KAZN: variants seen among roughly 807,000 people sequenced by gnomAD.
KAZN encodes the protein kazrin, periplakin interacting protein.
In KAZN, 40 loss-of-function variants were observed where a neutral mutation model predicts 87.4. That is an observed-to-expected ratio of 0.46 (90% CI 0.36 to 0.60). The LOEUF (loss-of-function observed/expected upper bound fraction) is 0.60. Among genes scored for constraint, KAZN ranks in the 20% least tolerant of loss-of-function variants. KAZN has a pLI of 0.00. For synonymous variants in KAZN, 466 were observed against 458.3 expected (o/e 1.02, Z -0.22); for missense variants, 898 against 1,073.9 (o/e 0.84, Z 2.29).
At chr1:14,834,810 A>G (rs1028279845) in intron 1 of KAZN, among the ~76,000 whole-genome samples, 3 of 96,922 alleles carry the variant, frequency 3.1e-5, no homozygotes, top group Non-Finnish European at 5.9e-5. Flanking sequence ...TAGGGGAATT[A>G]TTAGTATTAG....
intron 2 of KAZN, among the ~76,000 whole-genome samples, chr1:14,521,313 A>T (rs917879317): frequency 1.3e-5 from 2 of 152,132 alleles, no homozygotes; most frequent in Non-Finnish European, 2.9e-5. Flanking sequence ...TTAAACAGAA[A>T]TGTCGCCCTC....
At chr1:14,493,203 A>G (rs1319914458) in intron 2 of KAZN, among the ~76,000 whole-genome samples, 2 of 151,542 alleles carry the variant, frequency 1.3e-5, no homozygotes, top group Non-Finnish European at 2.9e-5. Context: ...CGTGCTGTAC[A>G]CTCATCTGTG....
At chr1:15,101,497 C>A in intron 10 of KAZN, 46 bp from the exon 11 acceptor site, 2 of 1,355,516 alleles carry the variant, frequency 1.5e-6, no homozygotes, top group Non-Finnish European at 2.1e-6. Flanking sequence ...TCTGTTTCTG[C>A]CGCCTTTCCC....
intron 1 of KAZN, among the ~76,000 whole-genome samples, chr1:13,902,878 C>G (rs1196364787): frequency 1.3e-5 from 2 of 152,166 alleles, no homozygotes; most frequent in Non-Finnish European, 2.9e-5. Context: ...AACAGACAAG[C>G]TTTCCCTCCC....
intron 1 of KAZN, among the ~76,000 whole-genome samples, chr1:13,960,759 G>T (rs1641721035): frequency 6.6e-6 from 1 of 152,218 alleles, no homozygotes; most frequent in South Asian, 2.1e-4. Context: ...TTGGTCAGTG[G>T]CTGGGGGCTA....
chr1:14,608,934 C>T (rs1158803850), intron 1 of KAZN, among the ~76,000 whole-genome samples: 1 of 151,912 alleles, frequency 6.6e-6, no homozygotes. Context: ...AATGTCATCT[C>T]TTTTTTTTAA....
At chr1:14,169,065 A>G (rs941784407) in intron 1 of KAZN, among the ~76,000 whole-genome samples, 12 of 152,330 alleles carry the variant, frequency 7.9e-5, no homozygotes, top group African/African-American at 2.6e-4. Context: ...CGTAAGTAGT[A>G]GAAAGACATC....
intron 2 of KAZN, among the ~76,000 whole-genome samples, chr1:14,347,236 A>G (rs998401490): frequency 1.3e-5 from 2 of 152,198 alleles, no homozygotes; most frequent in African/African-American, 4.8e-5. Flanking sequence ...CTGGCTGGGC[A>G]CTGCACAATC....
At chr1:14,042,359 T>C (rs1641875182) in intron 1 of KAZN, among the ~76,000 whole-genome samples, 2 of 152,282 alleles carry the variant, frequency 1.3e-5, no homozygotes, top group African/African-American at 4.8e-5. Context: ...AGGGCAAGAA[T>C]ACTATGAGTC....
At position 13,991,336 on chromosome 1, in the gene KAZN, A is replaced by G. The variant is rs114725962; in HGVS notation, c.91+97580A>G. On this transcript the variant is annotated intron_variant, in intron 1 of 16. Coordinates refer to the KAZN transcript ENST00000636203. ...TAGGGGAGGGATAGCATTAAGAGAA[A>G]TACCTAATGTGGTTGATGGATGCAG... Among the ~76,000 whole-genome samples the G allele has an allele frequency of 4.2e-3, 633 of 152,184 alleles. 4 individuals are homozygous for G. Among genetic ancestry groups the G allele is most frequent in the African/African-American group, 0.015 (614 of 41,520 alleles).
chr1:14,802,046 C>T (rs1355885020), intron 1 of KAZN, among the ~76,000 whole-genome samples: 1 of 152,024 alleles, frequency 6.6e-6, no homozygotes, highest in Non-Finnish European at 1.5e-5. Flanking sequence ...CTCTGTCATG[C>T]CCTGCTTTTT....
intron 3 of KAZN, among the ~76,000 whole-genome samples, chr1:15,035,438 G>A (rs1057337961): frequency 6.6e-6 from 1 of 152,196 alleles, no homozygotes; most frequent in South Asian, 2.1e-4. Context: ...TATGCATTGG[G>A]CTCTGTGGGG....
chr1:14,763,177 A>G (rs928511212), intron 1 of KAZN, among the ~76,000 whole-genome samples: 11 of 152,254 alleles, frequency 7.2e-5, no homozygotes, highest in African/African-American at 2.7e-4. Flanking sequence ...AGCTGCCATT[A>G]GGAATGGGAG....
At chr1:14,067,420 A>G (rs1265013965) in intron 1 of KAZN, among the ~76,000 whole-genome samples, 3 of 152,208 alleles carry the variant, frequency 2.0e-5, no homozygotes, top group Non-Finnish European at 2.9e-5. Context: ...GATGTTGCCT[A>G]CAACTGGAGA....
At chr1:14,434,579 G>A (rs1352384253) in intron 2 of KAZN, among the ~76,000 whole-genome samples, 5 of 152,216 alleles carry the variant, frequency 3.3e-5, no homozygotes, top group Non-Finnish European at 7.3e-5. Context: ...GCTTCATGGT[G>A]GATGATGGAG....
intron 1 of KAZN, among the ~76,000 whole-genome samples, chr1:14,829,007 A>G (rs1646978134): frequency 6.6e-6 from 1 of 152,202 alleles, no homozygotes; most frequent in South Asian, 2.1e-4. Flanking sequence ...GCTACAAGAG[A>G]GGCTGAGAAA....
At chr1:15,005,307 C>T (rs963434040) in intron 2 of KAZN, among the ~76,000 whole-genome samples, 5 of 152,146 alleles carry the variant, frequency 3.3e-5, no homozygotes, top group South Asian at 2.1e-4. Flanking sequence ...TTACAGACCA[C>T]GTGCCAGTGT....
intron 1 of KAZN, among the ~76,000 whole-genome samples, chr1:13,987,803 A>T (rs1056963215): frequency 9.2e-5 from 14 of 152,180 alleles, no homozygotes; most frequent in Non-Finnish European, 2.9e-5. Context: ...TTTTGGAAGC[A>T]TCTTAGTCTA....
At chr1:14,595,859 G>A (rs1676479819), upstream of KAZN, among the ~76,000 whole-genome samples, 1 of 151,472 alleles carries the variant, frequency 6.6e-6, no homozygotes, top group Non-Finnish European at 1.5e-5. Context: ...TTTTTTTCAT[G>A]TTAGGAAAAA....
Sources: allele counts gnomAD v4.1 joint callset (sites outside exome capture counted in the v4.1 genomes callset), GRCh38; gene constraint gnomAD v4.1.1; transcripts MANE v1.5; gene names NCBI Gene and HGNC (gene_info 2026-07-23, HGNC 2026-07-21).